Variants in ADCY9 observed in about 807,000 individuals in gnomAD.
ADCY9 encodes the protein adenylate cyclase type 9.
In ADCY9, 50 loss-of-function variants were observed where a neutral mutation model predicts 101.5. The observed-to-expected ratio is 0.49, with a 90% CI of 0.39 to 0.62. The LOEUF is 0.62. Ranked by LOEUF, ADCY9 falls within the 20% of genes least tolerant of loss-of-function variation. The pLI is 0.00. For synonymous variants in ADCY9, 905 were observed against 769.3 expected (o/e 1.18, Z -2.92); for missense variants, 1,662 against 1,800.4 (o/e 0.92, Z 1.39).
intron 2 of ADCY9, among the ~76,000 whole-genome samples, chr16:4,098,486 G>A (rs994130714): frequency 2.0e-5 from 3 of 151,852 alleles, no homozygotes; most frequent in Non-Finnish European, 2.9e-5. Flanking sequence ...CGCCCGCCTC[G>A]GCCTTCCAAA....
chr16:4,069,326 C>T (rs1387302206), intron 2 of ADCY9, among the ~76,000 whole-genome samples: 2 of 149,794 alleles, frequency 1.3e-5, no homozygotes, highest in East Asian at 2.0e-4. Context: ...TTTAGCCCAC[C>T]GCACACTAGC....
At chr16:4,024,134 T>C (rs1026659366) in intron 2 of ADCY9, among the ~76,000 whole-genome samples, 2 of 151,984 alleles carry the variant, frequency 1.3e-5, no homozygotes, top group African/African-American at 4.8e-5. Context: ...GTGATTCTCC[T>C]GCCTCAGCCT....
chr16:4,094,570 G>A (rs2056991376), intron 2 of ADCY9, among the ~76,000 whole-genome samples: 1 of 152,040 alleles, frequency 6.6e-6, no homozygotes, highest in African/African-American at 2.4e-5. Context: ...TAGCACTTTG[G>A]GAGGCCAAAG....
At position 4,072,474 on chromosome 16, in the gene ADCY9, G is replaced by A. The variant is rs577388842; in HGVS notation, c.1693+41276C>T. 2.0e-5 allele frequency among the ~76,000 whole-genome samples: 3 copies of A among 152,240 alleles called. No homozygotes were observed. The East Asian group carries it at 5.8e-4, about 29-fold the overall frequency. The stretch of plus-strand genomic sequence containing the variant: ...TCCCTCTGAATCACCCCTTCCCTAC[G>A]GTATACAAGCCCTGGGACCAGGGGA... On this transcript the variant is annotated intron_variant, in intron 2 of 10. Transcript: ENST00000294016.
At position 3,963,259 on chromosome 16, in the gene ADCY9, G is replaced by A. The variant is rs981731484; in HGVS notation, c.*2516C>T. The A allele has an allele frequency of 1.8e-5, 7 of 397,944 alleles. No individual in the cohort carries two copies. The highest frequency in any genetic ancestry group is 2.7e-5 in the Non-Finnish European group (6 of 225,732). 24.7% of individuals were successfully genotyped at this position (397,944 alleles called of 1,614,324 possible). On this transcript the variant is annotated 3_prime_UTR_variant, in exon 11 of 11. Transcript: ENST00000294016. Reference sequence around the variant, plus strand: ...TGCTTCCTGCCCTAAGTTCCTAAGAGGTATTGCCACCCTGAAGCACGACCC... The same window carrying A: ...TGCTTCCTGCCCTAAGTTCCTAAGAAGTATTGCCACCCTGAAGCACGACCC...
At chr16:4,071,499 G>A (rs1476680710) in intron 2 of ADCY9, among the ~76,000 whole-genome samples, 1 of 152,056 alleles carries the variant, frequency 6.6e-6, no homozygotes, top group Admixed American at 6.6e-5. Flanking sequence ...TGCTACATTT[G>A]ATGCAAATCT....
intron 2 of ADCY9, among the ~76,000 whole-genome samples, chr16:4,106,355 C>T (rs143449536): frequency 1.3e-5 from 2 of 152,216 alleles, no homozygotes; most frequent in South Asian, 2.1e-4. Flanking sequence ...CCACGGATGG[C>T]GGCCCCACAT....
chr16:4,055,921 G>T (rs563996109), intron 2 of ADCY9, among the ~76,000 whole-genome samples: 17 of 152,218 alleles, frequency 1.1e-4, no homozygotes, highest in African/African-American at 4.1e-4. Flanking sequence ...TATCAAAGAT[G>T]CCTGAGCCTG....
intron 6 of ADCY9, among the ~76,000 whole-genome samples, chr16:3,987,898 G>A (rs540084792): frequency 6.6e-6 from 1 of 152,302 alleles, no homozygotes; most frequent in Non-Finnish European, 1.5e-5. Context: ...AAGCCGCCAG[G>A]ATTCAAACCA....
chr16:4,115,341 G>C lies in ADCY9; in HGVS notation c.102C>G (p.Pro34=), dbSNP rs758049285. 6.2e-7 allele frequency: 1 copy of C among 1,613,204 alleles called. No individual in the cohort carries two copies. Among genetic ancestry groups the C allele is most frequent in the Non-Finnish European group, 8.5e-7 (1 of 1,179,738 alleles). ...DSNSVRVKIN[P]KQLSSNSHPK... ...GGTGGCTGTTGGAGGACAGCTGCTT[G>C]GGGTTGATCTTGACGCGCACGCTGT... The change falls in exon 2 of 11, where the codon CCC becomes CCG. Residue 34 remains proline (P), a synonymous_variant. Transcript: ENST00000294016. This position sits in a 1 kb window ranked among gnomAD's most constrained non-coding sequence, Gnocchi z 6.2.
In ADCY9 at chr16:3,992,271, C is replaced by T. The variant is rs2141702726; in HGVS notation, c.2082G>A (p.Glu694=). ...CCCACCTTCCCTTCTCCTGCAAGATCTCACACAGAGAAGTCTGACTGTTGG... is the reference window on the plus strand; with the variant it reads ...CCCACCTTCCCTTCTCCTGCAAGATTTCACACAGAGAAGTCTGACTGTTGG... ...KLTNSQTSLC[E]ILQEKGRWAG... is the part of the protein sequence containing the mutation. Residue 694 remains glutamate, a synonymous_variant, in exon 5 of 11, where the codon GAG becomes GAA. Coordinates refer to ENST00000294016, the MANE Select transcript of ADCY9 (RefSeq NM_001116.4). The surrounding 1 kb of genome is among the most constrained non-coding windows in gnomAD (Gnocchi z 4.2). 6.2e-7 allele frequency: 1 copy of T among 1,614,206 alleles called. No individual in the cohort carries two copies.
chr16:3,992,079 G>T lies in ADCY9; in HGVS notation c.2207+67C>A, dbSNP rs899235105. On this transcript the variant is annotated intron_variant, in intron 5 of 10. Coordinates refer to ENST00000294016, the MANE Select transcript of ADCY9 (RefSeq NM_001116.4). The surrounding 1 kb of genome is among the most constrained non-coding windows in gnomAD (Gnocchi z 4.2). ...GAGCGAGACTCAGTCTTAAAGAAAA[G>T]AAAAGAAAAAGGCAGAGAGGCTTCT... 6.6e-7 allele frequency: 1 copy of T among 1,519,050 alleles called. No homozygotes were observed. The allele number at this position is 1,519,050 out of a possible 1,614,324, so 94.1% of individuals were successfully genotyped here.
Position 3,983,274 on chromosome 16 carries a change from G to C in ADCY9, c.2477C>G (p.Ala826Gly), listed in dbSNP as rs2056160721. The C allele has an allele frequency of 6.4e-7, 1 of 1,554,620 alleles. No homozygotes were observed. The highest frequency in any genetic ancestry group is 1.2e-5 in the South Asian group (1 of 84,320). Reference sequence around the variant, plus strand: ...GGACAGCACCTCCAGCAGCAGGGCTGCACTGAAGACCGCCAGGGCGGCGGG... The same window carrying C: ...GGACAGCACCTCCAGCAGCAGGGCTCCACTGAAGACCGCCAGGGCGGCGGG... ...PPPAALAVFS[A>G]ALLLEVLSLA... The change falls in exon 7 of 11, where the codon GCA (alanine) becomes GGA (glycine). Residue 826 changes from alanine to glycine, a missense_variant. By Grantham distance (60) the Ala-to-Gly change is moderately conservative. Coordinates refer to ENST00000294016, the MANE Select transcript of ADCY9 (RefSeq NM_001116.4).
At position 3,983,604 on chromosome 16, in the gene ADCY9, C is replaced by T. The variant is rs2056165024; in HGVS notation, c.2311-164G>A. On this transcript the variant is annotated intron_variant, in intron 6 of 10. Transcript: ENST00000294016. ...TGTCTCCCTCTACTACCCCATTTAA[C>T]ACTGGGGAGTCCAAGGCACAGAGAA... is the stretch of plus-strand genomic sequence containing the variant. 8 of 633,876 alleles carry T rather than the reference C, an allele frequency of 1.3e-5. No individual in the cohort carries two copies. The East Asian group carries it at 1.9e-4, about 15-fold the overall frequency. 39.3% of individuals were successfully genotyped at this position (633,876 alleles called of 1,614,324 possible). A position where few individuals can be genotyped will look rare whatever the true frequency, so the allele number is the denominator to read the frequency against.
At chr16:4,101,295 T>TTC (rs1343424668) in intron 2 of ADCY9, among the ~76,000 whole-genome samples, 1 of 151,540 alleles carries the variant, frequency 6.6e-6, no homozygotes, top group East Asian at 1.9e-4. Flanking sequence ...TTTTTTTTTT[T>TTC]TTTGAGACAG....
chr16:3,965,436 T>G lies in ADCY9; in HGVS notation c.*339A>C. On this transcript the variant is annotated 3_prime_UTR_variant, in exon 11 of 11. Coordinates refer to ENST00000294016, the MANE Select transcript of ADCY9 (RefSeq NM_001116.4). ...AAAAATGAGATCTTAACCACAGCTTTTGTTCTAAAAGTCAAATAATACCCA... is the reference window on the plus strand; with the variant it reads ...AAAAATGAGATCTTAACCACAGCTTGTGTTCTAAAAGTCAAATAATACCCA... The G allele has an allele frequency of 3.3e-6, 1 of 306,496 alleles. No homozygotes were observed. The highest frequency in any genetic ancestry group is 2.1e-5 in the African/African-American group (1 of 46,790). 19.0% of individuals were successfully genotyped at this position (306,496 alleles called of 1,614,324 possible).
intron 2 of ADCY9, among the ~76,000 whole-genome samples, chr16:4,099,321 T>C (rs775293689): frequency 6.6e-6 from 1 of 152,192 alleles, no homozygotes; most frequent in East Asian, 1.9e-4. Context: ...AAAGAAATTC[T>C]ACATTGCTCT....
intron 3 of ADCY9, among the ~76,000 whole-genome samples, chr16:4,001,749 T>C (rs2056332399): frequency 8.5e-6 from 1 of 117,020 alleles, no homozygotes; most frequent in South Asian, 2.5e-4. Flanking sequence ...GTTTTTTTTT[T>C]TTATTGTTTT....
chr16:3,996,636 A>G (rs1195777161), intron 3 of ADCY9, among the ~76,000 whole-genome samples: 2 of 152,200 alleles, frequency 1.3e-5, no homozygotes, highest in African/African-American at 4.8e-5. Context: ...CAAAGCCCGA[A>G]GTGCAAGTGC....
Sources: allele counts gnomAD v4.1 joint callset (sites outside exome capture counted in the v4.1 genomes callset), GRCh38; gene constraint gnomAD v4.1.1; non-coding constraint Gnocchi (gnomAD v3.1); transcripts MANE v1.5; gene names NCBI Gene and HGNC (gene_info 2026-07-23, HGNC 2026-07-21).